Variants in RGS8 observed in about 807,000 individuals in gnomAD.
The protein encoded by RGS8 is regulator of G-protein signaling 8.
In RGS8, 8 loss-of-function variants were observed where a neutral mutation model predicts 21.7. That is an observed-to-expected ratio of 0.37 (90% CI 0.22 to 0.66). RGS8 has a LOEUF of 0.66. RGS8 is among the 30% of genes least tolerant of loss of function. The probability of loss-of-function intolerance (pLI) is 0.59; values close to 1 mark genes in which losing one functional copy is unlikely to be tolerated. For synonymous variants in RGS8, 80 were observed against 83.6 expected (o/e 0.96, Z 0.24); for missense variants, 157 against 217.9 (o/e 0.72, Z 1.76).
chr1:182,741,510 A>C, the RGS8 span, among the ~76,000 whole-genome samples: 1 of 120,920 alleles, frequency 8.3e-6, no homozygotes, highest in South Asian at 2.8e-4. Flanking sequence ...TGACCCCGCC[A>C]CCTCCCTCCC....
At chr1:182,700,359 C>A in the RGS8 span, among the ~76,000 whole-genome samples, 9 of 152,236 alleles carry the variant, frequency 5.9e-5, no homozygotes, top group Admixed American at 6.5e-5. Context: ...CCGCGACACA[C>A]ACGCTAGTCT....
At chr1:182,676,631 A>G (rs1267514047), upstream of RGS8, among the ~76,000 whole-genome samples, 2 of 152,204 alleles carry the variant, frequency 1.3e-5, no homozygotes, top group African/African-American at 2.4e-5. Flanking sequence ...AAGCATCCAC[A>G]TATTTAATTT....
chr1:182,707,611 G>T, the RGS8 span, among the ~76,000 whole-genome samples: 1 of 152,242 alleles, frequency 6.6e-6, no homozygotes, highest in African/African-American at 2.4e-5. Context: ...TCCAAGGGCA[G>T]AGGCACCTAA....
chr1:182,707,633 A>T, the RGS8 span, among the ~76,000 whole-genome samples: 1 of 152,226 alleles, frequency 6.6e-6, no homozygotes, highest in Admixed American at 6.5e-5. Flanking sequence ...GCAACTGTGT[A>T]GTCATCATCA....
the RGS8 span, among the ~76,000 whole-genome samples, chr1:182,728,112 C>T: frequency 6.6e-6 from 1 of 152,138 alleles, no homozygotes; most frequent in Admixed American, 6.5e-5. Context: ...TAAATAATTA[C>T]AAAATCACTG....
chr1:182,737,201 C>T, the RGS8 span, among the ~76,000 whole-genome samples: 4 of 151,838 alleles, frequency 2.6e-5, no homozygotes, highest in South Asian at 6.2e-4. Context: ...CTGCCTCTCT[C>T]TTATAAGAAC....
At chr1:182,726,608 T>G in the RGS8 span, among the ~76,000 whole-genome samples, 1 of 151,436 alleles carries the variant, frequency 6.6e-6, no homozygotes, top group Admixed American at 6.6e-5. Flanking sequence ...AGGCAGAGGT[T>G]GTGGTGAGCC....
the RGS8 span, among the ~76,000 whole-genome samples, chr1:182,699,034 G>A: frequency 6.6e-6 from 1 of 152,210 alleles, no homozygotes; most frequent in South Asian, 2.1e-4. Context: ...GAAGAAATTA[G>A]ACTGTTTTTT....
upstream of RGS8, among the ~76,000 whole-genome samples, chr1:182,689,450 A>T (rs1253694630): frequency 6.6e-6 from 1 of 152,162 alleles, no homozygotes; most frequent in Non-Finnish European, 1.5e-5. Flanking sequence ...GCTCTCCTAT[A>T]CAGTATTATC....
intron 5 of RGS8, among the ~76,000 whole-genome samples, chr1:182,659,199 G>A (rs1355502908): frequency 1.3e-5 from 2 of 152,142 alleles, no homozygotes; most frequent in African/African-American, 4.8e-5. Context: ...GGAGAGCCTG[G>A]GTTTACAACT....
intron 5 of RGS8, among the ~76,000 whole-genome samples, chr1:182,649,905 CT>C (rs920729497): frequency 0.014 from 1,859 of 128,436 alleles, 18 homozygotes; most frequent in African/African-American, 0.04. Flanking sequence ...GTTAACAACT[CT>C]TTTTTTTTTT....
At chr1:182,693,182 A>T in the RGS8 span, among the ~76,000 whole-genome samples, 3 of 152,266 alleles carry the variant, frequency 2.0e-5, no homozygotes, top group African/African-American at 4.8e-5. Flanking sequence ...CAGGATAAAC[A>T]GACAACATAA....
At chr1:182,665,509 A>T (rs1663813654) in intron 5 of RGS8, among the ~76,000 whole-genome samples, 1 of 152,200 alleles carries the variant, frequency 6.6e-6, no homozygotes, top group African/African-American at 2.4e-5. Flanking sequence ...ACAAAAAGCA[A>T]CAATAAAACT....
chr1:182,737,431 C>T, the RGS8 span, among the ~76,000 whole-genome samples: 3 of 152,200 alleles, frequency 2.0e-5, no homozygotes, highest in South Asian at 2.1e-4. Flanking sequence ...CCCCATGTGT[C>T]GTGGGAGGGA....
chr1:182,746,052 T>C, the RGS8 span, among the ~76,000 whole-genome samples: 1 of 152,208 alleles, frequency 6.6e-6, no homozygotes, highest in Admixed American at 6.5e-5. Flanking sequence ...TTATTCCTAT[T>C]TGGGGCAAGT....
At chr1:182,641,899 GA>G (rs1662481861), downstream of RGS8, 1 of 152,208 alleles carries the variant, frequency 6.6e-6, no homozygotes, top group Non-Finnish European at 1.5e-5. Context: ...ACACGATAAT[GA>G]AAAAACTCAA....
At chr1:182,673,467 C>T (rs1664255768), upstream of RGS8, among the ~76,000 whole-genome samples, 1 of 151,900 alleles carries the variant, frequency 6.6e-6, no homozygotes, top group South Asian at 2.1e-4. Context: ...CATACCAGGA[C>T]CCAGTCTTTC....
At chr1:182,657,893 C>T (rs1571322477) in intron 5 of RGS8, among the ~76,000 whole-genome samples, 1 of 152,324 alleles carries the variant, frequency 6.6e-6, no homozygotes, top group Non-Finnish European at 1.5e-5. Flanking sequence ...CAATACAAAA[C>T]AATCCTGAGT....
the RGS8 span, among the ~76,000 whole-genome samples, chr1:182,746,825 T>C: frequency 6.6e-6 from 1 of 152,082 alleles, no homozygotes; most frequent in Non-Finnish European, 1.5e-5. Context: ...AATGAACAGA[T>C]CCCATTTAAA....
Sources: allele counts gnomAD v4.1 joint callset (sites outside exome capture counted in the v4.1 genomes callset), GRCh38; gene constraint gnomAD v4.1.1; transcripts MANE v1.5; gene names NCBI Gene and HGNC (gene_info 2026-07-23, HGNC 2026-07-21).